Variants in LAMA4 observed in about 807,000 individuals in gnomAD.
LAMA4 encodes laminin subunit alpha-4.
In LAMA4, 127 loss-of-function variants were observed where a neutral mutation model predicts 207.1. That is an observed-to-expected ratio of 0.61 (90% CI 0.53 to 0.71). LAMA4 has a LOEUF of 0.71. LAMA4 is among the 30% of genes least tolerant of loss of function. The pLI is 0.00. For synonymous variants in LAMA4, 761 were observed against 816.0 expected (o/e 0.93, Z 1.15); for missense variants, 2,093 against 2,246.5 (o/e 0.93, Z 1.38).
chr6:112,202,710 A>T (rs1365472390), intron 4 of LAMA4, among the ~76,000 whole-genome samples: 1 of 152,234 alleles, frequency 6.6e-6, no homozygotes, highest in Non-Finnish European at 1.5e-5. Context: ...GGGTAAAAAC[A>T]TTCCAACAGA....
At chr6:112,234,344 T>G (rs1554365287) in intron 2 of LAMA4, 1 of 152,060 alleles carries the variant, frequency 6.6e-6, no homozygotes, top group African/African-American at 2.4e-5. Flanking sequence ...TCTACTGTCA[T>G]CGGTATATGA....
chr6:112,182,093 T>C (rs1430120733), intron 9 of LAMA4, among the ~76,000 whole-genome samples: 1 of 148,124 alleles, frequency 6.8e-6, no homozygotes, highest in African/African-American at 2.6e-5. Flanking sequence ...CGAGACTCTG[T>C]CTGAAAATAA....
At chr6:112,189,889 C>G (rs1352037023) in intron 6 of LAMA4, among the ~76,000 whole-genome samples, 4 of 152,102 alleles carry the variant, frequency 2.6e-5, no homozygotes, top group African/African-American at 9.7e-5. Flanking sequence ...AGCCCAATCT[C>G]ATCAGACTGT....
chr6:112,167,840 T>TCACACACACA (rs71021873), intron 12 of LAMA4, among the ~76,000 whole-genome samples: 44 of 125,946 alleles, frequency 3.5e-4, no homozygotes, highest in African/African-American at 5.6e-4. Context: ...ATGCATACCA[T>TCACACACACA]CACACACACA....
At position 112,119,323 on chromosome 6, in the gene LAMA4, G is replaced by A; in HGVS notation, c.4666-12C>T. The A allele has an allele frequency of 6.2e-7, 1 of 1,613,116 alleles. No homozygotes were observed. The highest frequency in any genetic ancestry group is 8.5e-7 in the Non-Finnish European group (1 of 1,179,662). On this transcript the variant is annotated splice_polypyrimidine_tract_variant and intron_variant, in intron 33 of 38. Transcript: ENST00000230538. ...CGAATAAATATCACCTGGATGAAGAGAAGGACAATAGCACATCTCAGGTAC... is the reference window on the plus strand; with the variant it reads ...CGAATAAATATCACCTGGATGAAGAAAAGGACAATAGCACATCTCAGGTAC...
chr6:112,175,823 A>G (rs782019429), intron 10 of LAMA4, among the ~76,000 whole-genome samples: 5 of 152,246 alleles, frequency 3.3e-5, no homozygotes, highest in Non-Finnish European at 5.9e-5. Flanking sequence ...AAATATTGTA[A>G]CTTGATATTC....
At chr6:112,205,148 G>A (rs1001083688) in intron 4 of LAMA4, among the ~76,000 whole-genome samples, 4 of 152,098 alleles carry the variant, frequency 2.6e-5, no homozygotes, top group South Asian at 2.1e-4. Flanking sequence ...TATCAATTAC[G>A]TAAATATTAC....
intron 9 of LAMA4, among the ~76,000 whole-genome samples, chr6:112,180,912 T>G (rs988986820): frequency 2.0e-5 from 3 of 152,244 alleles, no homozygotes; most frequent in Non-Finnish European, 2.9e-5. Flanking sequence ...TTTCCAGCCC[T>G]GATTACCCTC....
intron 3 of LAMA4, among the ~76,000 whole-genome samples, chr6:112,208,428 G>T (rs1164708019): frequency 4.6e-5 from 7 of 152,134 alleles, no homozygotes; most frequent in African/African-American, 1.7e-4. Context: ...CAACAATCCT[G>T]AAGTAGGTTC....
At chr6:112,133,594 T>A in intron 26 of LAMA4, 107 bp from the exon 27 acceptor site, 1 of 1,262,302 alleles carries the variant, frequency 7.9e-7, no homozygotes, top group Non-Finnish European at 1.2e-6. Flanking sequence ...AATGGCTTTA[T>A]AATCATTCAT....
chr6:112,212,226 ATTT>A lies in LAMA4; in HGVS notation c.297+4139_297+4141del, dbSNP rs11343230. Among the ~76,000 whole-genome samples the A allele has an allele frequency of 3.4e-3, 483 of 143,532 alleles. 1 individual carries two copies. Among genetic ancestry groups the A allele is most frequent in the African/African-American group, 8.6e-3 (333 of 38,732 alleles). The allele number at this position is 143,532 out of a possible 152,430, so 94.2% of individuals were successfully genotyped here. On this transcript the variant is annotated intron_variant, in intron 3 of 38. Coordinates refer to ENST00000230538, the MANE Select transcript of LAMA4 (RefSeq NM_001105206.3). The stretch of plus-strand genomic sequence containing the variant: ...TCATTACTTGCATTCAGTTTCTGTC[ATTT>A]TTTTTTTTTTTTTTAACAGAGTCTT...
At chr6:112,168,031 T>C (rs1781487750) in intron 12 of LAMA4, among the ~76,000 whole-genome samples, 1 of 151,888 alleles carries the variant, frequency 6.6e-6, no homozygotes, top group Non-Finnish European at 1.5e-5. Flanking sequence ...ACCCCATCTC[T>C]ACTAAAAATA....
At chr6:112,150,359 C>CT (rs1323238969) in intron 17 of LAMA4, 152 bp downstream of exon 17, 47 of 728,418 alleles carry the variant, frequency 6.5e-5, no homozygotes, top group Non-Finnish European at 8.5e-5. Flanking sequence ...TTTTCTAGAA[C>CT]TTTTTTTTGT....
At chr6:112,190,259 T>C (rs145976842) in intron 6 of LAMA4, among the ~76,000 whole-genome samples, 2 of 152,252 alleles carry the variant, frequency 1.3e-5, no homozygotes, top group Admixed American at 1.3e-4. Flanking sequence ...GCCAACATTA[T>C]TTCTGCTGTC....
At position 112,172,719 on chromosome 6, in the gene LAMA4, G is replaced by GTAGTCA. The variant is rs782294432; in HGVS notation, c.1437_1442dup (p.Asp480_Tyr481dup). On this transcript the variant is annotated inframe_insertion, in exon 12 of 39. Coordinates refer to ENST00000230538, the MANE Select transcript of LAMA4 (RefSeq NM_001105206.3). ...CCTGGAGATCTGACAACTTAGCATT[G>GTAGTCA]TAGTCATCCAGCTGCTCCAGGACGA... 16 of 1,613,946 alleles carry GTAGTCA rather than the reference G, an allele frequency of 9.9e-6. No individual in the cohort carries two copies. In the East Asian group the frequency reaches 1.6e-4, roughly 16 times the overall value.
intron 18 of LAMA4, among the ~76,000 whole-genome samples, chr6:112,147,466 A>G (rs547594910): frequency 8.0e-4 from 122 of 152,332 alleles, no homozygotes; most frequent in African/African-American, 2.8e-3. Context: ...TTGGAGAACA[A>G]AAAGTTCTAG....
intron 4 of LAMA4, among the ~76,000 whole-genome samples, chr6:112,202,972 T>C (rs1783847572): frequency 6.6e-6 from 1 of 152,124 alleles, no homozygotes; most frequent in Admixed American, 6.5e-5. Context: ...GCGATTTCCA[T>C]AGCTACTGGT....
intron 24 of LAMA4, among the ~76,000 whole-genome samples, chr6:112,138,888 G>A (rs1221474699): frequency 6.6e-6 from 1 of 152,128 alleles, no homozygotes; most frequent in Non-Finnish European, 1.5e-5. Flanking sequence ...TTTCCTCAAA[G>A]TTCTCTTAGT....
intron 11 of LAMA4, 99 bp downstream of exon 11, chr6:112,175,214 G>A (rs1554343209): frequency 3.5e-6 from 4 of 1,148,924 alleles, no homozygotes; most frequent in African/African-American, 3.0e-5. Flanking sequence ...CTGGAAATTG[G>A]TTGCTTTGAT....
Sources: allele counts gnomAD v4.1 joint callset (sites outside exome capture counted in the v4.1 genomes callset), GRCh38; gene constraint gnomAD v4.1.1; transcripts MANE v1.5; gene names NCBI Gene and HGNC (gene_info 2026-07-23, HGNC 2026-07-21).